The following TNPO1 variants were observed in gnomAD, a reference collection of about 807,000 sequenced individuals.
The protein encoded by TNPO1 is transportin 1.
A neutral mutation model predicts 119.5 loss-of-function variants in TNPO1; 8 were observed. The observed-to-expected ratio is 0.07, with a 90% confidence interval of 0.04 to 0.12. The LOEUF is 0.12. TNPO1 is among the 10% of genes least tolerant of loss of function. The probability of loss-of-function intolerance (pLI) is 1.00; values close to 1 mark genes in which losing one functional copy is unlikely to be tolerated. For synonymous variants in TNPO1, 362 were observed against 363.0 expected (o/e 1.00, Z 0.03); for missense variants, 576 against 1,089.8 (o/e 0.53, Z 6.64).
chr5:72,866,878 A>G (rs892224623), intron 6 of TNPO1, among the ~76,000 whole-genome samples: 7 of 152,144 alleles, frequency 4.6e-5, no homozygotes, highest in Admixed American at 2.6e-4. Context: ...TTTGATTAAA[A>G]TGTTAGGTAA....
At chr5:72,826,940 T>TAAA (rs1744230748) in intron 1 of TNPO1, among the ~76,000 whole-genome samples, 1 of 152,178 alleles carries the variant, frequency 6.6e-6, no homozygotes, top group Non-Finnish European at 1.5e-5. Flanking sequence ...GTTAATGTTT[T>TAAA]ACATTAAGTT....
At chr5:72,852,709 AT>A (rs1745677709) in intron 3 of TNPO1, among the ~76,000 whole-genome samples, 1 of 152,160 alleles carries the variant, frequency 6.6e-6, no homozygotes, top group Non-Finnish European at 1.5e-5. Flanking sequence ...TTGTATTCAG[AT>A]TTTCATAATT....
intron 5 of TNPO1, among the ~76,000 whole-genome samples, chr5:72,864,665 G>A (rs1746747385): frequency 6.6e-6 from 1 of 151,970 alleles, no homozygotes; most frequent in Non-Finnish European, 1.5e-5. Flanking sequence ...CTGGAGTGCA[G>A]TGGTGCCATC....
chr5:72,851,017 A>G (rs1745504456), intron 2 of TNPO1, among the ~76,000 whole-genome samples: 1 of 152,190 alleles, frequency 6.6e-6, no homozygotes. Flanking sequence ...GTTGTATTGC[A>G]TGTAATTGAT....
intron 18 of TNPO1, among the ~76,000 whole-genome samples, chr5:72,894,395 G>T (rs1749272420): frequency 6.6e-6 from 1 of 152,132 alleles, no homozygotes; most frequent in South Asian, 2.1e-4. Flanking sequence ...AATACAGCCG[G>T]GCACGGCGGC....
In TNPO1 at chr5:72,849,571, A is replaced by T. The variant is rs746289403; in HGVS notation, c.129+1073A>T. Among the ~76,000 whole-genome samples the T allele has an allele frequency of 7.2e-5, 11 of 152,358 alleles. No individual in the cohort carries two copies. In the South Asian group the frequency reaches 1.4e-3, roughly 20 times the overall value. ...TATTTACCCCGAGGGTTTCGCAGAA[A>T]TACTGCATTGCCGTAATTTAAAACC... is the stretch of plus-strand genomic sequence containing the variant. On this transcript the variant is annotated intron_variant, in intron 2 of 24. Transcript: ENST00000337273.
chr5:72,876,868 G>A (rs1747823619), intron 8 of TNPO1, among the ~76,000 whole-genome samples: 1 of 152,078 alleles, frequency 6.6e-6, no homozygotes, highest in African/African-American at 2.4e-5. Flanking sequence ...GCCGAGGTGG[G>A]CAGATCACGA....
Position 72,897,092 on chromosome 5 carries a change from A to G in TNPO1, c.2279A>G (p.His760Arg). The change falls in exon 20 of 25, where the codon CAC becomes CGC. Residue 760 changes from histidine to arginine, a missense_variant. His to Arg is a conservative substitution (Grantham distance 29, BLOSUM62 0). This residue lies in a region of TNPO1 where 162 missense variants were observed against 294.1 expected (regional missense o/e 0.55). Transcript: ENST00000337273. ...EMQPYIPMVL[H>R]QLVEIINRPN... ...CAGCCTTATATTCCTATGGTGTTGC[A>G]CCAGCTTGTAGAAATCATTAACAGA... 6.2e-7 allele frequency: 1 copy of G among 1,612,200 alleles called. No homozygotes were observed. The highest frequency in any genetic ancestry group is 1.7e-5 in the Admixed American group (1 of 59,516).
chr5:72,893,823 T>G (rs774152166), intron 18 of TNPO1, 120 bp downstream of exon 18: 4 of 958,572 alleles, frequency 4.2e-6, no homozygotes, highest in Admixed American at 4.7e-5. Flanking sequence ...ATGTACACTT[T>G]ATTGGTTAAA....
At chr5:72,863,336 A>G (rs1233691136) in intron 5 of TNPO1, among the ~76,000 whole-genome samples, 1 of 152,124 alleles carries the variant, frequency 6.6e-6, no homozygotes, top group Admixed American at 6.5e-5. Flanking sequence ...AAAAGAAACT[A>G]TCCGCCATGG....
intron 4 of TNPO1, among the ~76,000 whole-genome samples, chr5:72,857,998 C>T (rs958451257): frequency 6.6e-6 from 1 of 152,124 alleles, no homozygotes; most frequent in Non-Finnish European, 1.5e-5. Flanking sequence ...TTATTTCTTG[C>T]TGTGTATTAG....
At chr5:72,906,254 G>T in intron 24 of TNPO1, among the ~76,000 whole-genome samples, 1 of 98,042 alleles carries the variant, frequency 1.0e-5, no homozygotes, top group Non-Finnish European at 2.0e-5. Flanking sequence ...TACCTACCAT[G>T]TGCCCATCAC....
rs118174616 is a variant in TNPO1 at position 72,876,469 on chromosome 5, C to T, written c.801+732C>T. On this transcript the variant is annotated intron_variant, in intron 8 of 24. Transcript: ENST00000337273. ...TTGAGAATTACAAATTATATTCGCACTAAGAGATGTCACTACTACTTCCCA... is the reference window on the plus strand; with the variant it reads ...TTGAGAATTACAAATTATATTCGCATTAAGAGATGTCACTACTACTTCCCA... Among the ~76,000 whole-genome samples, 311 of 152,262 alleles carry T rather than the reference C, an allele frequency of 2.0e-3. 3 individuals carry two copies. In the East Asian group the frequency reaches 0.049, roughly 24 times the overall value.
At chr5:72,841,206 C>T (rs531930477) in intron 1 of TNPO1, among the ~76,000 whole-genome samples, 5 of 151,954 alleles carry the variant, frequency 3.3e-5, no homozygotes, top group Admixed American at 2.6e-4. Flanking sequence ...CTGCAAGCTC[C>T]ACCTCCTTGG....
rs79208786 is a variant in TNPO1 at position 72,831,745 on chromosome 5, T to A, written c.15+14993T>A. 2.4e-3 allele frequency among the ~76,000 whole-genome samples: 371 copies of A among 152,146 alleles called. 2 individuals carry two copies. The highest frequency in any genetic ancestry group is 3.4e-3 in the Non-Finnish European group (232 of 67,910). Reference sequence around the variant, plus strand: ...TTGCAAAAGTTGAATCCATTTTTTTTATAACTATGAAGATTTTTTGTTTTC... The same window carrying A: ...TTGCAAAAGTTGAATCCATTTTTTTAATAACTATGAAGATTTTTTGTTTTC... On this transcript the variant is annotated intron_variant, in intron 1 of 24. Coordinates refer to ENST00000337273, the MANE Select transcript of TNPO1 (RefSeq NM_002270.4).
At chr5:72,878,272 T>G (rs1747962184) in intron 9 of TNPO1, among the ~76,000 whole-genome samples, 1 of 152,130 alleles carries the variant, frequency 6.6e-6, no homozygotes, top group Non-Finnish European at 1.5e-5. Context: ...TTTCTTTTTG[T>G]TATAATTACT....
chr5:72,909,003 G>A lies in TNPO1; in HGVS notation c.*330G>A. Reference sequence around the variant, plus strand: ...AAAACAGTACATTGTGGAATATTATGGGGAATTGTACCAAAACAAGAACCA... The same window carrying A: ...AAAACAGTACATTGTGGAATATTATAGGGAATTGTACCAAAACAAGAACCA... On this transcript the variant is annotated 3_prime_UTR_variant, in exon 25 of 25. Transcript: ENST00000337273. The A allele has an allele frequency of 2.6e-6, 1 of 389,722 alleles. No individual in the cohort carries two copies. The highest frequency in any genetic ancestry group is 5.1e-6 in the Non-Finnish European group (1 of 194,262). 24.1% of individuals were successfully genotyped at this position (389,722 alleles called of 1,614,324 possible).
rs746423322 is a variant in TNPO1 at position 72,816,694 on chromosome 5, C to A, written c.-44C>A. ...GCCATTTCAGGCCCCGGACAGGAGG[C>A]AGTGCCGCTTCGGCCGAAGGCCCGA... On this transcript the variant is annotated 5_prime_UTR_variant, in exon 1 of 25. Transcript: ENST00000337273. The A allele has an allele frequency of 1.3e-6, 2 of 1,549,662 alleles. No homozygotes were observed. The highest frequency in any genetic ancestry group is 2.4e-5 in the South Asian group (2 of 82,898).
intron 1 of TNPO1, among the ~76,000 whole-genome samples, chr5:72,824,165 C>G (rs1450416360): frequency 5.9e-5 from 9 of 152,184 alleles, no homozygotes; most frequent in Non-Finnish European, 1.3e-4. Flanking sequence ...CATTCTCTCT[C>G]ATCTGCTCAA....
Sources: allele counts gnomAD v4.1 joint callset (sites outside exome capture counted in the v4.1 genomes callset), GRCh38; gene constraint gnomAD v4.1.1; regional missense constraint gnomAD v4.1.1; transcripts MANE v1.5; gene names NCBI Gene and HGNC (gene_info 2026-07-23, HGNC 2026-07-21).